Variants in RARB observed in about 807,000 individuals in gnomAD.
RARB encodes HBV-activated protein.
RARB carries 17 observed loss-of-function variants against 51.9 expected under a neutral mutation model. The ratio of observed to expected loss-of-function variants is 0.33; its 90% CI spans 0.22 to 0.49. The LOEUF (loss-of-function observed/expected upper bound fraction) is 0.49. RARB is among the 20% of genes least tolerant of loss of function. The probability of loss-of-function intolerance (pLI) is 0.99; values close to 1 mark genes in which losing one functional copy is unlikely to be tolerated. For missense variants in RARB, 369 were observed against 550.8 expected (o/e 0.67, Z 3.30); for synonymous variants, 215 against 195.4 (o/e 1.10, Z -0.84).
intron 2 of RARB, among the ~76,000 whole-genome samples, chr3:25,497,098 G>A (rs1404844794): frequency 1.3e-5 from 2 of 152,260 alleles, no homozygotes; most frequent in East Asian, 1.9e-4. Context: ...TGGTCAGGCT[G>A]GTCTCGAACT....
At chr3:25,240,391 T>C (rs760315230) in intron 5 of RARB, among the ~76,000 whole-genome samples, 1 of 152,174 alleles carries the variant, frequency 6.6e-6, no homozygotes, top group Admixed American at 6.6e-5. Context: ...AAAGTATGCA[T>C]CCTTGTCTTG....
chr3:25,252,365 G>C (rs1387656237), intron 5 of RARB, among the ~76,000 whole-genome samples: 3 of 152,082 alleles, frequency 2.0e-5, no homozygotes, highest in Non-Finnish European at 4.4e-5. Context: ...TTTAGGATCA[G>C]CTTGTCAATT....
intron 5 of RARB, among the ~76,000 whole-genome samples, chr3:25,261,389 C>A (rs1202795625): frequency 6.6e-6 from 1 of 152,106 alleles, no homozygotes; most frequent in Non-Finnish European, 1.5e-5. Context: ...ATTTCTCACC[C>A]ACCTTTTTCA....
At chr3:25,106,802 A>G (rs1183558865) in intron 3 of RARB, among the ~76,000 whole-genome samples, 2 of 152,064 alleles carry the variant, frequency 1.3e-5, no homozygotes, top group African/African-American at 2.4e-5. Context: ...GAAAAGAACA[A>G]TTATACTGTG....
intron 5 of RARB, among the ~76,000 whole-genome samples, chr3:25,370,050 C>G (rs1706251855): frequency 6.6e-6 from 1 of 152,114 alleles, no homozygotes; most frequent in East Asian, 1.9e-4. Context: ...AACACACACC[C>G]TATGTATACA....
intron 3 of RARB, among the ~76,000 whole-genome samples, chr3:25,082,739 C>T (rs182262365): frequency 2.0e-5 from 3 of 152,146 alleles, no homozygotes; most frequent in Admixed American, 1.3e-4. Context: ...GCTCTTTATA[C>T]TGAATTTCCT....
In RARB at chr3:25,308,914, T is replaced by A. The variant is rs182315366; in HGVS notation, c.178+134339T>A. On this transcript the variant is annotated intron_variant, in intron 5 of 11. Transcript: ENST00000383772. ...CAGATGTGGTTCTACCAATGTGGAG[T>A]TAGGCAGAATTATCACCTCCATCAT... 2.3e-3 allele frequency among the ~76,000 whole-genome samples: 347 copies of A among 152,264 alleles called. 2 individuals carry two copies. Among genetic ancestry groups the A allele is most frequent in the African/African-American group, 8.1e-3 (335 of 41,552 alleles).
intron 5 of RARB, among the ~76,000 whole-genome samples, chr3:25,345,379 T>C (rs1270432458): frequency 6.6e-6 from 1 of 152,104 alleles, no homozygotes; most frequent in Non-Finnish European, 1.5e-5. Context: ...TATAAGCAAT[T>C]CATCTGGCTG....
At chr3:25,483,359 A>G (rs761936155) in intron 2 of RARB, among the ~76,000 whole-genome samples, 2 of 152,194 alleles carry the variant, frequency 1.3e-5, no homozygotes, top group African/African-American at 2.4e-5. Flanking sequence ...ATTTGAACCT[A>G]GAAAAAGAAT....
chr3:25,375,923 G>T (rs1363513503), intron 5 of RARB, among the ~76,000 whole-genome samples: 1 of 152,100 alleles, frequency 6.6e-6, no homozygotes, highest in Non-Finnish European at 1.5e-5. Context: ...GGCCTTGAGG[G>T]TTACTGAACC....
chr3:25,085,788 G>A (rs1046235985), intron 3 of RARB, among the ~76,000 whole-genome samples: 10 of 151,936 alleles, frequency 6.6e-5, no homozygotes, highest in Non-Finnish European at 1.2e-4. Flanking sequence ...TCTTTATTTT[G>A]ACTAATCTAT....
At chr3:25,425,876 T>A (rs1418140336), upstream of RARB, among the ~76,000 whole-genome samples, 1 of 152,208 alleles carries the variant, frequency 6.6e-6, no homozygotes, top group Admixed American at 6.5e-5. Flanking sequence ...TGGAGAGATG[T>A]TAAGCAAGAA....
intron 2 of RARB, among the ~76,000 whole-genome samples, chr3:24,910,112 G>A (rs1035603522): frequency 6.6e-6 from 1 of 152,060 alleles, no homozygotes; most frequent in African/African-American, 2.4e-5. Flanking sequence ...TTTGGCAAAG[G>A]ATTTGAACCT....
At chr3:25,047,237 G>T (rs1698236020) in intron 2 of RARB, among the ~76,000 whole-genome samples, 1 of 152,102 alleles carries the variant, frequency 6.6e-6, no homozygotes, top group Non-Finnish European at 1.5e-5. Context: ...TTTGTGCCTG[G>T]GAGATTAGAA....
At chr3:24,964,264 G>T (rs1275662823) in intron 2 of RARB, among the ~76,000 whole-genome samples, 2 of 152,050 alleles carry the variant, frequency 1.3e-5, no homozygotes, top group African/African-American at 2.4e-5. Flanking sequence ...TTGATATTTT[G>T]TAGGAATTTA....
At chr3:25,328,436 C>G (rs181085405) in intron 5 of RARB, among the ~76,000 whole-genome samples, 75 of 152,366 alleles carry the variant, frequency 4.9e-4, no homozygotes, top group Non-Finnish European at 4.4e-5. Context: ...AGAAGAATTG[C>G]TTGAACCCAA....
At chr3:25,473,101 T>C (rs1402468936) in intron 2 of RARB, among the ~76,000 whole-genome samples, 1 of 152,196 alleles carries the variant, frequency 6.6e-6, no homozygotes, top group African/African-American at 2.4e-5. Context: ...CGCATCCCTC[T>C]CATTGTCTTC....
At chr3:24,844,204 T>C (rs1355469229) in intron 1 of RARB, among the ~76,000 whole-genome samples, 1 of 152,206 alleles carries the variant, frequency 6.6e-6, no homozygotes. Flanking sequence ...GTTTGCTCTC[T>C]GCCATTCTTG....
intron 2 of RARB, among the ~76,000 whole-genome samples, chr3:25,029,957 C>T (rs1038543652): frequency 6.6e-6 from 1 of 152,100 alleles, no homozygotes; most frequent in African/African-American, 2.4e-5. Flanking sequence ...AATTTGGGGA[C>T]GTATGGAATA....
Sources: gnomAD v4.1 joint callset for allele counts (sites outside exome capture counted in the v4.1 genomes callset) on GRCh38, gnomAD v4.1.1 for gene constraint, MANE v1.5 for transcripts, NCBI Gene and HGNC (gene_info 2026-07-23, HGNC 2026-07-21) for gene names.